Variants in GALNT13 observed in about 807,000 individuals in gnomAD.
The protein encoded by GALNT13 is UDP-GalNAc:polypeptide N-acetylgalactosaminyltransferase 13.
In GALNT13, 28 loss-of-function variants were observed where a neutral mutation model predicts 64.2. The ratio of observed to expected loss-of-function variants is 0.44; its 90% CI spans 0.32 to 0.60. The LOEUF (loss-of-function observed/expected upper bound fraction) is 0.60, where lower values mean the gene tolerates loss of function less well. Among genes scored for constraint, GALNT13 ranks in the 20% least tolerant of loss-of-function variants. The probability of loss-of-function intolerance (pLI) is 0.05; values close to 1 mark genes in which losing one functional copy is unlikely to be tolerated. For missense variants in GALNT13, 577 were observed against 669.8 expected (o/e 0.86, Z 1.53); for synonymous variants, 214 against 224.6 (o/e 0.95, Z 0.42).
At chr2:154,185,607 T>G (rs1323695720) in intron 4 of GALNT13, among the ~76,000 whole-genome samples, 1 of 151,942 alleles carries the variant, frequency 6.6e-6, no homozygotes, top group Non-Finnish European at 1.5e-5. Context: ...TCTCTGATTC[T>G]TATATTTGAT....
chr2:153,614,381 T>C, the GALNT13 span, among the ~76,000 whole-genome samples: 1 of 152,214 alleles, frequency 6.6e-6, no homozygotes, highest in East Asian at 1.9e-4. Flanking sequence ...TTATTATTAA[T>C]ATGACTTGCC....
At chr2:153,854,193 G>A in the GALNT13 span, among the ~76,000 whole-genome samples, 2 of 151,858 alleles carry the variant, frequency 1.3e-5, no homozygotes, top group East Asian at 3.8e-4. Context: ...TAGATACAAT[G>A]TTGCCAGATA....
chr2:153,605,063 G>C, the GALNT13 span, among the ~76,000 whole-genome samples: 13 of 152,004 alleles, frequency 8.6e-5, no homozygotes, highest in Non-Finnish European at 1.5e-5. Flanking sequence ...TCGATTTCCA[G>C]TTTGACAACT....
chr2:153,621,867 G>T, the GALNT13 span, among the ~76,000 whole-genome samples: 9 of 152,200 alleles, frequency 5.9e-5, no homozygotes, highest in Admixed American at 1.3e-4. Context: ...CTGAGGGAAG[G>T]TCTAGAAAAA....
intron 4 of GALNT13, among the ~76,000 whole-genome samples, chr2:154,172,436 T>C (rs963135259): frequency 1.3e-5 from 2 of 152,006 alleles, no homozygotes; most frequent in Admixed American, 1.3e-4. Flanking sequence ...AACTTTTCTT[T>C]ATCCTCCCTC....
At chr2:154,259,829 CT>C (rs1317653631) in intron 8 of GALNT13, among the ~76,000 whole-genome samples, 2 of 151,816 alleles carry the variant, frequency 1.3e-5, no homozygotes, top group South Asian at 4.2e-4. Context: ...CAAATCACTG[CT>C]TTTTTTTCTA....
At chr2:154,396,538 T>C (rs928411754) in intron 10 of GALNT13, among the ~76,000 whole-genome samples, 5 of 152,188 alleles carry the variant, frequency 3.3e-5, no homozygotes, top group African/African-American at 1.2e-4. Flanking sequence ...GTAAGTAACA[T>C]ATTTTTGAAA....
chr2:153,945,971 T>C (rs2105388830), intron 3 of GALNT13, among the ~76,000 whole-genome samples: 1 of 152,258 alleles, frequency 6.6e-6, no homozygotes, highest in Non-Finnish European at 1.5e-5. Flanking sequence ...TACATGCATT[T>C]TTTATGCCTT....
At chr2:153,360,741 G>A in the GALNT13 span, among the ~76,000 whole-genome samples, 4 of 152,174 alleles carry the variant, frequency 2.6e-5, no homozygotes, top group Non-Finnish European at 5.9e-5. Context: ...GCCCCTAGGG[G>A]GAGGGGTGGC....
intron 3 of GALNT13, among the ~76,000 whole-genome samples, chr2:154,016,850 T>C (rs2105264794): frequency 6.6e-6 from 1 of 152,332 alleles, no homozygotes; most frequent in African/African-American, 2.4e-5. Context: ...AAAGGTGTGA[T>C]GTAAATGATC....
At chr2:154,296,138 A>G (rs899209981) in intron 8 of GALNT13, among the ~76,000 whole-genome samples, 9 of 152,080 alleles carry the variant, frequency 5.9e-5, no homozygotes, top group Non-Finnish European at 1.2e-4. Flanking sequence ...TCCATGCTCT[A>G]TAGAGCCCAG....
the GALNT13 span, among the ~76,000 whole-genome samples, chr2:153,650,394 C>G: frequency 2.1e-5 from 3 of 142,998 alleles, no homozygotes; most frequent in Non-Finnish European, 4.5e-5. Flanking sequence ...ATACAGCACA[C>G]TGGTGGATCT....
At chr2:154,383,215 A>G (rs2105335816) in intron 9 of GALNT13, among the ~76,000 whole-genome samples, 1 of 152,156 alleles carries the variant, frequency 6.6e-6, no homozygotes, top group Middle Eastern at 3.4e-3. Flanking sequence ...AGGTGCATAT[A>G]CACAAGAAAA....
At chr2:154,404,745 A>T (rs2105381198) in intron 10 of GALNT13, among the ~76,000 whole-genome samples, 1 of 152,298 alleles carries the variant, frequency 6.6e-6, no homozygotes, top group South Asian at 2.1e-4. Flanking sequence ...ATAAAGCCCA[A>T]CTAGAGTGGG....
the GALNT13 span, among the ~76,000 whole-genome samples, chr2:153,430,564 A>G: frequency 6.7e-6 from 1 of 149,442 alleles, no homozygotes; most frequent in Admixed American, 6.7e-5. Context: ...GACTAAGTCT[A>G]GCTTATAATT....
chr2:154,018,350 C>T (rs969317402), intron 3 of GALNT13, among the ~76,000 whole-genome samples: 1 of 152,210 alleles, frequency 6.6e-6, no homozygotes, highest in Admixed American at 6.5e-5. Context: ...CTCCAGCTAC[C>T]TGGACACAGT....
chr2:153,904,585 T>C (rs546592393), intron 2 of GALNT13, among the ~76,000 whole-genome samples: 10 of 151,956 alleles, frequency 6.6e-5, no homozygotes, highest in Non-Finnish European at 1.2e-4. Flanking sequence ...TTAATAGCCA[T>C]GAACATATTA....
the GALNT13 span, among the ~76,000 whole-genome samples, chr2:153,695,490 G>A: frequency 2.6e-5 from 4 of 152,138 alleles, no homozygotes; most frequent in Non-Finnish European, 5.9e-5. Flanking sequence ...TTTCAGGAAT[G>A]ATTATTTGAT....
chr2:154,220,379 G>T (rs1479846011), intron 4 of GALNT13, among the ~76,000 whole-genome samples: 2 of 152,042 alleles, frequency 1.3e-5, no homozygotes, highest in African/African-American at 4.8e-5. Context: ...AGACTGAAGA[G>T]AAATTAGTTA....
Sources: allele counts gnomAD v4.1 joint callset (sites outside exome capture counted in the v4.1 genomes callset), GRCh38; gene constraint gnomAD v4.1.1; transcripts MANE v1.5; gene names NCBI Gene and HGNC (gene_info 2026-07-23, HGNC 2026-07-21).